The following CPXM2 variants were observed in gnomAD, a reference collection of about 807,000 sequenced individuals.
The protein encoded by CPXM2 is inactive carboxypeptidase-like protein X2.
Under a neutral mutation model 86.1 loss-of-function variants are expected in CPXM2, and 66 were observed. The observed-to-expected ratio is 0.77, with a 90% confidence interval of 0.63 to 0.94. CPXM2 has a LOEUF of 0.94. Ranked by LOEUF, CPXM2 falls within the 40% of genes least tolerant of loss-of-function variation. The pLI, the probability that CPXM2 is intolerant of heterozygous loss-of-function variation, is 0.00. For missense variants in CPXM2, 948 were observed against 1,026.3 expected (o/e 0.92, Z 1.04); for synonymous variants, 388 against 400.2 (o/e 0.97, Z 0.36).
chr10:123,799,213 A>C lies in CPXM2; in HGVS notation c.654-14T>G. On this transcript the variant is annotated splice_polypyrimidine_tract_variant and intron_variant, in intron 4 of 13. Transcript: ENST00000241305. The stretch of plus-strand genomic sequence containing the variant: ...ACCCAGTCACTCCTATGAGAAAATA[A>C]AACATCATTAGGACTACACACTTTA... The C allele has an allele frequency of 1.9e-6, 3 of 1,613,706 alleles. No individual in the cohort carries two copies. Among genetic ancestry groups the C allele is most frequent in the Non-Finnish European group, 2.5e-6 (3 of 1,179,914 alleles).
At chr10:123,845,298 C>G (rs1180974092) in intron 3 of CPXM2, among the ~76,000 whole-genome samples, 1 of 151,266 alleles carries the variant, frequency 6.6e-6, no homozygotes, top group Non-Finnish European at 1.5e-5. Context: ...TATAGAACAC[C>G]ATGCAGTCAG....
At chr10:123,930,452 C>T (rs1408145289) in intron 2 of CPXM2, among the ~76,000 whole-genome samples, 1 of 152,222 alleles carries the variant, frequency 6.6e-6, no homozygotes, top group Non-Finnish European at 1.5e-5. Context: ...TCTCCCTGTG[C>T]CAGGGACCAG....
At chr10:123,762,332 A>C (rs1846366586) in intron 10 of CPXM2, among the ~76,000 whole-genome samples, 163 bp from the exon 11 acceptor site, 2 of 152,240 alleles carry the variant, frequency 1.3e-5, no homozygotes, top group South Asian at 4.1e-4. Context: ...GAGACTTAGA[A>C]AGACTCATAA....
At chr10:123,933,347 G>A (rs1945684448) in intron 2 of CPXM2, among the ~76,000 whole-genome samples, 1 of 152,092 alleles carries the variant, frequency 6.6e-6, no homozygotes, top group Admixed American at 6.5e-5. Context: ...ACGGCAGTGG[G>A]GATGCTCAAG....
intron 10 of CPXM2, among the ~76,000 whole-genome samples, chr10:123,763,604 A>G (rs555512918): frequency 1.7e-4 from 25 of 150,930 alleles, no homozygotes; most frequent in African/African-American, 5.8e-4. Flanking sequence ...GCCTTCTGCA[A>G]TTTCTTTTTT....
In CPXM2 at chr10:123,780,264, A is replaced by G. The variant is rs1266444871; in HGVS notation, c.890-9T>C. ...ATAATAATTATTAGGATCTAGGGACAGAAACATGATTTTGCATTTACTCCC... is the reference window on the plus strand; with the variant it reads ...ATAATAATTATTAGGATCTAGGGACGGAAACATGATTTTGCATTTACTCCC... On this transcript the variant is annotated splice_polypyrimidine_tract_variant and intron_variant, in intron 6 of 13. Coordinates refer to ENST00000241305, the MANE Select transcript of CPXM2 (RefSeq NM_198148.3). 7 of 1,565,608 alleles carry G rather than the reference A, an allele frequency of 4.5e-6. No homozygotes were observed. The highest frequency in any genetic ancestry group is 5.3e-6 in the Non-Finnish European group (6 of 1,136,060).
intron 1 of CPXM2, among the ~76,000 whole-genome samples, chr10:123,883,086 C>T (rs192712248): frequency 1.6e-3 from 245 of 152,212 alleles, no homozygotes; most frequent in African/African-American, 5.7e-3. Context: ...CGGGCACCCC[C>T]AGGCCCAGGC....
intron 4 of CPXM2, among the ~76,000 whole-genome samples, chr10:123,819,636 T>C (rs1284855033): frequency 6.6e-6 from 1 of 152,240 alleles, no homozygotes. Context: ...ATTGTTAACT[T>C]TATGTAATAG....
At chr10:123,871,070 C>A (rs1048374478) in intron 2 of CPXM2, among the ~76,000 whole-genome samples, 1 of 152,188 alleles carries the variant, frequency 6.6e-6, no homozygotes, top group Non-Finnish European at 1.5e-5. Context: ...GGAGTCAGCC[C>A]GGAGCCTCAG....
At chr10:123,846,538 T>G (rs554110821) in intron 3 of CPXM2, among the ~76,000 whole-genome samples, 42 of 152,324 alleles carry the variant, frequency 2.8e-4, no homozygotes, top group Middle Eastern at 3.4e-3. Context: ...GCCCCGTTCC[T>G]AACCGGCCAT....
intron 6 of CPXM2, 64 bp downstream of exon 6, chr10:123,797,912 T>C (rs1054074430): frequency 6.9e-7 from 1 of 1,442,668 alleles, no homozygotes; most frequent in Non-Finnish European, 9.2e-7. Flanking sequence ...TTATTTGTCT[T>C]GGCTGGGCAT....
intron 2 of CPXM2, among the ~76,000 whole-genome samples, chr10:123,863,773 G>GC (rs1848912815): frequency 6.6e-6 from 1 of 152,142 alleles, no homozygotes; most frequent in Admixed American, 6.5e-5. Flanking sequence ...CCGCAGCTTG[G>GC]CCCCTGAGCC....
At chr10:123,861,505 AGAGGAAT>A in intron 3 of CPXM2, among the ~76,000 whole-genome samples, 1 of 152,294 alleles carries the variant, frequency 6.6e-6, no homozygotes, top group South Asian at 2.1e-4. Flanking sequence ...TACACAGCAG[AGAGGAAT>A]GAGGGTCACA....
chr10:123,746,853 C>T lies in CPXM2; in HGVS notation c.2182G>A (p.Glu728Lys). ...TGCTTCCCAAACTTCTCCATGATCTCTCGGATCCTGGCCATGTTGGTTTTG... is the reference window on the plus strand; with the variant it reads ...TGCTTCCCAAACTTCTCCATGATCTTTCGGATCCTGGCCATGTTGGTTTTG... ...LSKTNMARIR[E>K]IMEKFGKQPV... is the part of the protein sequence containing the mutation. Residue 728 changes from glutamate (E) to lysine (K), a missense_variant, in exon 14 of 14, where the codon GAG becomes AAG. Transcript: ENST00000241305. The T allele has an allele frequency of 6.2e-7, 1 of 1,614,170 alleles. No individual in the cohort carries two copies. The highest frequency in any genetic ancestry group is 8.5e-7 in the Non-Finnish European group (1 of 1,180,034).
intron 2 of CPXM2, among the ~76,000 whole-genome samples, chr10:123,863,688 C>G (rs1848910270): frequency 6.6e-6 from 1 of 152,212 alleles, no homozygotes; most frequent in Non-Finnish European, 1.5e-5. Flanking sequence ...GGGCCTCCAA[C>G]AGCCCTGCCT....
intron 6 of CPXM2, among the ~76,000 whole-genome samples, chr10:123,783,469 C>A (rs1016114888): frequency 3.9e-5 from 6 of 152,228 alleles, no homozygotes; most frequent in Non-Finnish European, 4.4e-5. Context: ...CAGAGATGAT[C>A]TCCCAGGATC....
chr10:123,881,193 A>G (rs1454181443), intron 1 of CPXM2, among the ~76,000 whole-genome samples: 2 of 136,374 alleles, frequency 1.5e-5, no homozygotes, highest in Non-Finnish European at 3.1e-5. Context: ...CCTCACCAGA[A>G]CTGTGTACTA....
At chr10:123,904,998 G>A (rs1255544005) in intron 2 of CPXM2, among the ~76,000 whole-genome samples, 1 of 75,768 alleles carries the variant, frequency 1.3e-5, no homozygotes, top group Non-Finnish European at 2.8e-5. Flanking sequence ...AGCTGGGTCA[G>A]GCAGGTGGCA....
At chr10:123,929,134 C>T (rs1945646157) in intron 2 of CPXM2, among the ~76,000 whole-genome samples, 1 of 152,206 alleles carries the variant, frequency 6.6e-6, no homozygotes, top group African/African-American at 2.4e-5. Flanking sequence ...AAGGATCTGT[C>T]AGAGGTGACA....
Sources: gnomAD v4.1 joint callset for allele counts (sites outside exome capture counted in the v4.1 genomes callset) on GRCh38, gnomAD v4.1.1 for gene constraint, MANE v1.5 for transcripts, NCBI Gene and HGNC (gene_info 2026-07-23, HGNC 2026-07-21) for gene names.